IL9R: variants seen among roughly 807,000 people sequenced by gnomAD.
The protein encoded by IL9R is interleukin-9 receptor.
In IL9R, 54 loss-of-function variants were observed where a neutral mutation model predicts 56.3. The observed-to-expected ratio is 0.96, with a 90% confidence interval of 0.77 to 1.20. The LOEUF (loss-of-function observed/expected upper bound fraction) is 1.20, where lower values mean the gene tolerates loss of function less well. IL9R is among the 50% of genes most tolerant of loss of function. IL9R has a pLI of 0.00. For missense variants in IL9R, 545 were observed against 629.8 expected, an observed-to-expected ratio of 0.87 and a Z score of 1.44; for synonymous variants, 212 against 250.2, an observed-to-expected ratio of 0.85 and a Z score of 1.44.
chrX:155,998,515 A>AC (rs1234265371), intron 1 of IL9R, among the ~76,000 whole-genome samples: 1 of 151,684 alleles, frequency 6.6e-6, no homozygotes, highest in Non-Finnish European at 1.5e-5. Flanking sequence ...TTCTGGGCTC[A>AC]CCCTCTTCCC....
rs377090049 is a variant in IL9R at position 156,006,172 on chromosome X, T to C, written c.871T>C (p.Phe291Leu). 6.5e-5 allele frequency: 91 copies of C among 1,391,580 alleles called. No individual in the cohort carries two copies. The African/African-American group carries it at 1.2e-3, about 19-fold the overall frequency. 86.2% of individuals were successfully genotyped at this position (1,391,580 alleles called of 1,614,324 possible). ...GCTGACTGGCCCGACCTACCTCCTG[T>C]TCAAGCTGTCGCCCAGGTAGGTGGC... ...LLLTGPTYLL[F>L]KLSPRVKRIF... is the part of the protein sequence containing the mutation. Residue 291 changes from phenylalanine to leucine, a missense_variant, in exon 7 of 9, where the codon TTC (phenylalanine) becomes CTC (leucine). This residue lies in a region of IL9R where 114 missense variants were observed against 269.8 expected (regional missense o/e 0.42). Transcript: ENST00000244174.
chrX:156,009,290 GTGTGTTTA>G (rs2068305323), intron 8 of IL9R, among the ~76,000 whole-genome samples: 1 of 147,586 alleles, frequency 6.8e-6, no homozygotes. Context: ...CTGTGTGTGT[GTGTGTTTA>G]TGTGTGTGTG....
In IL9R at chrX:156,003,509, G is replaced by C; in HGVS notation, c.203G>C (p.Trp68Ser). 3 of 1,612,684 alleles carry C rather than the reference G, an allele frequency of 1.9e-6. No homozygotes were observed. In the South Asian group the frequency reaches 3.3e-5, roughly 18 times the overall value. The change falls in exon 3 of 9, where the codon TGG becomes TCG. Residue 68 changes from tryptophan (W) to serine (S), a missense_variant. Trp to Ser is a radical substitution (Grantham distance 177). Coordinates refer to ENST00000244174, the MANE Select transcript of IL9R (RefSeq NM_002186.3). ...AACATTCTCAGGATCGATTGCCACT[G>C]GTCTGCCCCAGAGCTGGGACAGGGC... ...TNNILRIDCH[W>S]SAPELGQGSS...
intron 7 of IL9R, among the ~76,000 whole-genome samples, chrX:156,006,487 G>A (rs2067967700): frequency 6.6e-6 from 1 of 150,592 alleles, no homozygotes; most frequent in African/African-American, 2.5e-5. Flanking sequence ...ACCAGACCCA[G>A]AGTCACCGAG....
At position 156,004,508 on chromosome X, in the gene IL9R, A is replaced by C; in HGVS notation, c.522A>C (p.Pro174=). Residue 174 remains proline, a synonymous_variant, in exon 5 of 9, where the codon CCA becomes CCC. Transcript: ENST00000244174. The part of the protein sequence containing the change: ...LTWSISPALE[P]MTTLLSYELA... ...GGAGCATCAGTCCTGCCTTGGAGCC[A>C]ATGACCACACTTCTCAGCTATGAGC... The C allele has an allele frequency of 1.9e-6, 3 of 1,613,680 alleles. No individual in the cohort carries two copies. Among genetic ancestry groups the C allele is most frequent in the Non-Finnish European group, 2.5e-6 (3 of 1,179,858 alleles).
At chrX:156,008,758 C>A (rs1204943967) in intron 8 of IL9R, among the ~76,000 whole-genome samples, 1 of 152,196 alleles carries the variant, frequency 6.6e-6, no homozygotes, top group African/African-American at 2.4e-5. Flanking sequence ...AAGGGAACAG[C>A]TTCCTTTTGG....
intron 1 of IL9R, among the ~76,000 whole-genome samples, chrX:155,998,516 C>A (rs1198874820): frequency 1.3e-5 from 2 of 152,084 alleles, no homozygotes; most frequent in Non-Finnish European, 1.5e-5. Flanking sequence ...TCTGGGCTCA[C>A]CCTCTTCCCA....
chrX:156,004,823 C>G (rs1234253187), intron 5 of IL9R, among the ~76,000 whole-genome samples: 3 of 151,590 alleles, frequency 2.0e-5, no homozygotes, highest in Non-Finnish European at 4.4e-5. Context: ...TTTATGTGTA[C>G]ACATATGTAA....
At chrX:156,001,514 G>A in intron 1 of IL9R, 3 of 1,585,166 alleles carry the variant, frequency 1.9e-6, no homozygotes, top group Non-Finnish European at 1.7e-6. Context: ...AAAGGGTGAG[G>A]CTTCCTGATC....
Position 156,002,187 on chromosome X carries a change from CAA to C in IL9R, c.29-707_29-706del, listed in dbSNP as rs781571031. Among the ~76,000 whole-genome samples the C allele has an allele frequency of 2.0e-3, 282 of 143,746 alleles. 1 individual carries two copies. Among genetic ancestry groups the C allele is most frequent in the African/African-American group, 5.9e-3 (237 of 39,872 alleles). 94.3% of individuals were successfully genotyped at this position (143,746 alleles called of 152,430 possible). ...TGAAACCCCGTCTCTACTAAAAATACAAAAAAAAAAAAATTAGCTGGGCATGG... is the reference window on the plus strand; with the variant it reads ...TGAAACCCCGTCTCTACTAAAAATACAAAAAAAAAAATTAGCTGGGCATGG... On this transcript the variant is annotated intron_variant, in intron 1 of 8. Coordinates refer to ENST00000244174, the MANE Select transcript of IL9R (RefSeq NM_002186.3).
In IL9R at chrX:156,002,960, C is replaced by CCTGCAT. The variant is rs765700574; in HGVS notation, c.95_100dup (p.Ile32_Cys33dup). The CCTGCAT allele has an allele frequency of 5.0e-6, 8 of 1,613,902 alleles. No individual in the cohort carries two copies. The Admixed American group carries it at 5.0e-5, about 10-fold the overall frequency. Reference sequence around the variant, plus strand: ...CGAGACATGGGCACCTGGCTCCTGGCCTGCATCTGCATCTGCACCTGTGTC... The same window carrying CCTGCAT: ...CGAGACATGGGCACCTGGCTCCTGGCCTGCATCTGCATCTGCATCTGCACCTGTGTC... On this transcript the variant is annotated inframe_insertion, in exon 2 of 9. Transcript: ENST00000244174.
chrX:156,004,786 TAA>T (rs1040506633), intron 5 of IL9R, among the ~76,000 whole-genome samples: 18 of 152,132 alleles, frequency 1.2e-4, no homozygotes, highest in Admixed American at 5.2e-4. Context: ...TGTGTGCACA[TAA>T]GTGTGGTGAG....
chrX:156,007,767 G>C (rs778362005), intron 8 of IL9R, 160 bp downstream of exon 8: 1 of 700,130 alleles, frequency 1.4e-6, no homozygotes, highest in East Asian at 3.2e-5. Context: ...ATTTATACGC[G>C]TATCTCAAAT....
chrX:156,001,217 C>T (rs2067498798), intron 1 of IL9R: 1 of 634,476 alleles, frequency 1.6e-6, no homozygotes. Context: ...CTGTGGCTGG[C>T]CTGGCCTGAT....
intron 4 of IL9R, 27 bp downstream of exon 4, chrX:156,003,882 G>A (rs750546666): frequency 1.7e-5 from 28 of 1,611,546 alleles, no homozygotes; most frequent in East Asian, 6.7e-5. Context: ...GGTCTGGGGC[G>A]GGGCCGCTTG....
intron 1 of IL9R, 54 bp from the exon 2 acceptor site, chrX:156,002,852 C>A (rs762593782): frequency 1.2e-6 from 2 of 1,611,934 alleles, no homozygotes; most frequent in South Asian, 2.2e-5. Flanking sequence ...TCATGGGGAG[C>A]ACCCCTCCAG....
intron 1 of IL9R, among the ~76,000 whole-genome samples, chrX:155,999,760 A>G (rs944356912): frequency 3.3e-5 from 5 of 152,046 alleles, no homozygotes; most frequent in African/African-American, 1.2e-4. Context: ...GTCCACTTCA[A>G]TAGTAACTTC....
chrX:155,998,613 G>C (rs1244910073), intron 1 of IL9R, among the ~76,000 whole-genome samples: 1 of 151,938 alleles, frequency 6.6e-6, no homozygotes, highest in African/African-American at 2.4e-5. Flanking sequence ...ACAGTATCAA[G>C]AGTGGGTATC....
Position 156,010,170 on chromosome X carries a change from T to C in IL9R, c.1327T>C (p.Tyr443His), listed in dbSNP as rs768389041. 1 of 1,511,326 alleles carries C rather than the reference T, an allele frequency of 6.6e-7. No homozygotes were observed. Among genetic ancestry groups the C allele is most frequent in the South Asian group, 1.2e-5 (1 of 84,154 alleles). The allele number at this position is 1,511,326 out of a possible 1,614,324, so 93.6% of individuals were successfully genotyped here. The change falls in exon 9 of 9, where the codon TAC (tyrosine) becomes CAC (histidine). Residue 443 changes from tyrosine (Y) to histidine (H), a missense_variant. Around this residue, in one of 2 missense-constraint regions of IL9R, gnomAD observed 114 missense variants for 269.8 expected, o/e 0.42. Transcript: ENST00000244174. ...SSSSSSNNNN[Y>H]CALGCYGGWH... Reference sequence around the variant, plus strand: ...CAGCAGCAGCAGCAACAACAACAACTACTGTGCCTTGGGCTGCTATGGGGG... The same window carrying C: ...CAGCAGCAGCAGCAACAACAACAACCACTGTGCCTTGGGCTGCTATGGGGG...
Sources: allele counts gnomAD v4.1 joint callset (sites outside exome capture counted in the v4.1 genomes callset), GRCh38; gene constraint gnomAD v4.1.1; regional missense constraint gnomAD v4.1.1; transcripts MANE v1.5; gene names NCBI Gene and HGNC (gene_info 2026-07-23, HGNC 2026-07-21).